The following SH3GL3 variants were observed in gnomAD, a reference collection of about 807,000 sequenced individuals.
SH3GL3 encodes the protein SH3 domain containing GRB2 like 3, endophilin A3.
SH3GL3 carries 33 observed loss-of-function variants against 47.7 expected under a neutral mutation model. The observed-to-expected ratio is 0.69, with a 90% confidence interval of 0.52 to 0.92. The LOEUF (loss-of-function observed/expected upper bound fraction) is 0.92. SH3GL3 is among the 40% of genes least tolerant of loss of function. SH3GL3 has a pLI of 0.00. For missense variants in SH3GL3, 363 were observed against 417.8 expected, an observed-to-expected ratio of 0.87 and a Z score of 1.14; for synonymous variants, 155 against 148.8, an observed-to-expected ratio of 1.04 and a Z score of -0.30.
At chr15:83,617,942 T>G in intron 8 of SH3GL3, 140 bp from the exon 9 acceptor site, 8 of 634,224 alleles carry the variant, frequency 1.3e-5, no homozygotes, top group Non-Finnish European at 2.2e-5. Context: ...AACGGCACCG[T>G]GAGCTGGGTG....
chr15:83,581,939 C>T (rs1643612867), intron 6 of SH3GL3, among the ~76,000 whole-genome samples: 1 of 152,202 alleles, frequency 6.6e-6, no homozygotes, highest in African/African-American at 2.4e-5. Context: ...TGTTTTGGTT[C>T]TCCAACTTTC....
Position 83,559,242 on chromosome 15 carries a change from T to G in SH3GL3, c.46-11T>G. 1 of 1,454,654 alleles carries G rather than the reference T, an allele frequency of 6.9e-7. No homozygotes were observed. Among genetic ancestry groups the G allele is most frequent in the Non-Finnish European group, 9.7e-7 (1 of 1,034,800 alleles). The allele number at this position is 1,454,654 out of a possible 1,614,324, so 90.1% of individuals were successfully genotyped here. ...ATTGTACAATGCAATTATTTATGTT[T>G]ATTTCTGCAGCTATTTAGTGAAAAA... On this transcript the variant is annotated splice_polypyrimidine_tract_variant and intron_variant, in intron 1 of 8. Transcript: ENST00000427482.
chr15:83,552,837 C>G (rs995013678), intron 1 of SH3GL3, among the ~76,000 whole-genome samples: 2 of 152,098 alleles, frequency 1.3e-5, no homozygotes, highest in African/African-American at 4.8e-5. Context: ...ATCAGTTTCA[C>G]TATTTCAGTT....
chr15:83,583,574 T>C (rs968990005), intron 6 of SH3GL3, among the ~76,000 whole-genome samples: 1 of 152,278 alleles, frequency 6.6e-6, no homozygotes, highest in Non-Finnish European at 1.5e-5. Context: ...TCCATTGTAG[T>C]TGGGGACATC....
At chr15:83,541,313 T>C (rs1292403090) in intron 1 of SH3GL3, among the ~76,000 whole-genome samples, 2 of 14,918 alleles carry the variant, frequency 1.3e-4, no homozygotes, top group Non-Finnish European at 2.8e-4. Context: ...GGTAATTCTA[T>C]TTTTTTTTTT....
intron 1 of SH3GL3, among the ~76,000 whole-genome samples, chr15:83,466,978 T>C (rs1444272121): frequency 6.6e-6 from 1 of 152,244 alleles, no homozygotes; most frequent in Non-Finnish European, 1.5e-5. Context: ...GCAAATGTTT[T>C]CTACCAGTTT....
intron 1 of SH3GL3, among the ~76,000 whole-genome samples, chr15:83,503,218 A>G (rs560389942): frequency 7.2e-5 from 11 of 152,308 alleles, no homozygotes; most frequent in African/African-American, 2.6e-4. Context: ...TGTTATCCAC[A>G]TCTCATTACC....
chr15:83,579,650 C>G (rs1356584659), intron 6 of SH3GL3, among the ~76,000 whole-genome samples: 1 of 152,192 alleles, frequency 6.6e-6, no homozygotes, highest in Non-Finnish European at 1.5e-5. Context: ...CTACCATTCA[C>G]TGACACCCCA....
intron 1 of SH3GL3, among the ~76,000 whole-genome samples, chr15:83,530,616 G>GTT (rs35185131): frequency 1.4e-5 from 2 of 142,372 alleles, no homozygotes; most frequent in East Asian, 2.0e-4. Context: ...CAGGTCAACT[G>GTT]TTTTTTTTTT....
At chr15:83,631,815 G>T in the SH3GL3 span, among the ~76,000 whole-genome samples, 1 of 152,204 alleles carries the variant, frequency 6.6e-6, no homozygotes, top group African/African-American at 2.4e-5. Flanking sequence ...ATGCCCTGGG[G>T]ACATTTTCCC....
At chr15:83,613,166 T>C (rs2730098) in intron 8 of SH3GL3, among the ~76,000 whole-genome samples, 19,146 of 152,192 alleles carry the variant, frequency 0.13, 1,665 homozygotes, top group Admixed American at 0.25. Flanking sequence ...TTGGGGTGGA[T>C]TTACCAACTG....
chr15:83,587,137 A>C (rs1286623429), intron 7 of SH3GL3, 51 bp downstream of exon 7: 2 of 918,540 alleles, frequency 2.2e-6, no homozygotes, highest in Non-Finnish European at 1.7e-6. Flanking sequence ...GGTAACATCT[A>C]TTGAAATCCA....
intron 6 of SH3GL3, among the ~76,000 whole-genome samples, chr15:83,579,680 G>A (rs968738080): frequency 3.9e-5 from 6 of 152,152 alleles, no homozygotes; most frequent in Non-Finnish European, 8.8e-5. Flanking sequence ...GGCTAAGGGG[G>A]TGCTGTTGAT....
chr15:83,589,790 C>G (rs1014784513), intron 8 of SH3GL3, among the ~76,000 whole-genome samples: 3 of 152,210 alleles, frequency 2.0e-5, no homozygotes. Flanking sequence ...ATAGATCTAT[C>G]CCACTGTTTT....
chr15:83,463,236 C>T (rs2040392127), intron 1 of SH3GL3, among the ~76,000 whole-genome samples: 2 of 152,180 alleles, frequency 1.3e-5, no homozygotes, highest in South Asian at 4.1e-4. Flanking sequence ...CCAGGTTTAT[C>T]ATTAGACATT....
chr15:83,544,849 C>A (rs1231162482), intron 1 of SH3GL3, among the ~76,000 whole-genome samples: 1 of 152,132 alleles, frequency 6.6e-6, no homozygotes, highest in East Asian at 1.9e-4. Context: ...ATGCCACTTT[C>A]TTCCAGTCTG....
intron 8 of SH3GL3, chr15:83,609,523 A>C (rs573710343): frequency 5.2e-4 from 173 of 330,134 alleles, no homozygotes; most frequent in African/African-American, 3.6e-3. Flanking sequence ...TTATGTTGAC[A>C]GCGTTGTATG....
intron 1 of SH3GL3, among the ~76,000 whole-genome samples, chr15:83,498,664 G>C (rs941758730): frequency 4.6e-5 from 7 of 151,972 alleles, no homozygotes; most frequent in Admixed American, 2.6e-4. Flanking sequence ...ACTCCTCAGG[G>C]TGGGGCCACA....
rs906799501 is a variant in SH3GL3, at chr15:83,447,384, G to A, written c.-150G>A. 5 of 435,596 alleles carry A rather than the reference G, an allele frequency of 1.1e-5. No individual in the cohort carries two copies. The highest frequency in any genetic ancestry group is 9.3e-5 in the South Asian group (1 of 10,750). The allele number at this position is 435,596 out of a possible 1,614,324, so 27.0% of individuals were successfully genotyped here. On this transcript the variant is annotated 5_prime_UTR_variant, in exon 1 of 9. Transcript: ENST00000427482. The surrounding 1 kb of genome is among the most constrained non-coding windows in gnomAD (Gnocchi z 5.1). ...CGCGCGTGTGTGCGAGTGTGACAGCGGCTGTGGCTGTGGCCGTGGCCGTGG... is the reference window on the plus strand; with the variant it reads ...CGCGCGTGTGTGCGAGTGTGACAGCAGCTGTGGCTGTGGCCGTGGCCGTGG...
Sources: allele counts gnomAD v4.1 joint callset (sites outside exome capture counted in the v4.1 genomes callset), GRCh38; gene constraint gnomAD v4.1.1; non-coding constraint Gnocchi (gnomAD v3.1); transcripts MANE v1.5; gene names NCBI Gene and HGNC (gene_info 2026-07-23, HGNC 2026-07-21).